Variants in PPFIA2 observed in about 807,000 individuals in gnomAD.
PPFIA2 encodes PPFI scaffold protein A2.
A neutral mutation model predicts 175.5 loss-of-function variants in PPFIA2; 46 were observed. The observed-to-expected ratio is 0.26, with a 90% CI of 0.21 to 0.34. The LOEUF (loss-of-function observed/expected upper bound fraction) is 0.34. Among genes scored for constraint, PPFIA2 ranks in the 10% least tolerant of loss-of-function variants. The probability of loss-of-function intolerance (pLI) is 1.00; values close to 1 mark genes in which losing one functional copy is unlikely to be tolerated. For synonymous variants in PPFIA2, 568 were observed against 511.4 expected (o/e 1.11, Z -1.49); for missense variants, 1,179 against 1,506.1 (o/e 0.78, Z 3.60).
chr12:81,278,857 A>T (rs923904603), intron 27 of PPFIA2, among the ~76,000 whole-genome samples: 2 of 152,224 alleles, frequency 1.3e-5, no homozygotes, highest in Admixed American at 6.5e-5. Context: ...AAATTTAGAC[A>T]TACACATTGG....
At chr12:81,678,481 A>G (rs752708522) in intron 3 of PPFIA2, among the ~76,000 whole-genome samples, 1 of 151,886 alleles carries the variant, frequency 6.6e-6, no homozygotes, top group Non-Finnish European at 1.5e-5. Context: ...AAAGGAACAT[A>G]ATGGGTAATG....
intron 3 of PPFIA2, among the ~76,000 whole-genome samples, chr12:81,724,524 T>TG (rs2079785035): frequency 6.6e-6 from 1 of 150,922 alleles, no homozygotes; most frequent in Non-Finnish European, 1.5e-5. Context: ...TTTCACTCTC[T>TG]TATGTCCACA....
chr12:81,431,775 G>A lies in PPFIA2; in HGVS notation c.645+8197C>T, dbSNP rs565117402. Reference sequence around the variant, plus strand: ...TGAGATACCACTAGTCTATAAAACCGAAAATCCAATCACATCTCTTCTCTT... The same window carrying A: ...TGAGATACCACTAGTCTATAAAACCAAAAATCCAATCACATCTCTTCTCTT... On this transcript the variant is annotated intron_variant, in intron 7 of 32. Transcript: ENST00000549396. Among the ~76,000 whole-genome samples the A allele has an allele frequency of 3.3e-5, 5 of 152,104 alleles. No homozygotes were observed. In the East Asian group the frequency reaches 9.7e-4, roughly 29 times the overall value.
intron 4 of PPFIA2, among the ~76,000 whole-genome samples, chr12:81,560,213 T>TA (rs1356176571): frequency 6.6e-6 from 1 of 151,722 alleles, no homozygotes; most frequent in African/African-American, 2.4e-5. Flanking sequence ...GGCATGTCTT[T>TA]AAAAAAACAG....
rs866741136 is a variant in PPFIA2, at chr12:81,568,137, G to A, written c.303+108654C>T. Among the ~76,000 whole-genome samples, 7 of 152,286 alleles carry A rather than the reference G, an allele frequency of 4.6e-5. No homozygotes were observed. The South Asian group carries it at 8.3e-4, about 18-fold the overall frequency. On this transcript the variant is annotated intron_variant, in intron 4 of 32. Coordinates refer to ENST00000549396, the MANE Select transcript of PPFIA2 (RefSeq NM_003625.5). ...TCCTCAAGAAGCTGTACCCACTAGGGGGTGGATAAAACATTAATTTAATCC... is the reference window on the plus strand; with the variant it reads ...TCCTCAAGAAGCTGTACCCACTAGGAGGTGGATAAAACATTAATTTAATCC...
intron 4 of PPFIA2, among the ~76,000 whole-genome samples, chr12:81,534,954 C>T (rs2153309469): frequency 6.6e-6 from 1 of 151,730 alleles, no homozygotes; most frequent in African/African-American, 2.4e-5. Flanking sequence ...CCTGCTTCCC[C>T]CAGTACAGTC....
At chr12:81,745,110 G>C (rs2082870026) in intron 3 of PPFIA2, among the ~76,000 whole-genome samples, 1 of 152,100 alleles carries the variant, frequency 6.6e-6, no homozygotes. Flanking sequence ...AGCCGTCCTA[G>C]CTTCTCTAGC....
chr12:81,335,405 A>G (rs777109631), intron 21 of PPFIA2, among the ~76,000 whole-genome samples: 13 of 152,146 alleles, frequency 8.5e-5, no homozygotes, highest in Non-Finnish European at 1.8e-4. Flanking sequence ...GATACAAACC[A>G]AACCTGTTTA....
At chr12:81,489,648 A>G (rs1244324054) in intron 4 of PPFIA2, among the ~76,000 whole-genome samples, 1 of 151,960 alleles carries the variant, frequency 6.6e-6, no homozygotes, top group Non-Finnish European at 1.5e-5. Context: ...TGATGCAATT[A>G]GTCACTGCTC....
chr12:81,468,819 G>A (rs2056220392), intron 4 of PPFIA2, among the ~76,000 whole-genome samples: 1 of 151,742 alleles, frequency 6.6e-6, no homozygotes, highest in African/African-American at 2.4e-5. Flanking sequence ...ATTTAAAATT[G>A]CACACTGTAG....
At chr12:81,731,077 T>C (rs565695004) in intron 3 of PPFIA2, among the ~76,000 whole-genome samples, 3 of 151,760 alleles carry the variant, frequency 2.0e-5, no homozygotes, top group South Asian at 2.1e-4. Flanking sequence ...CACACTAACA[T>C]CACTTCCACT....
rs1338573184 is a variant in PPFIA2, at chr12:81,267,839, A to AT, written c.3486+72dup. On this transcript the variant is annotated intron_variant, in intron 29 of 32. Transcript: ENST00000549396. ...ATTAACAATCATGAATACACAGCCA[A>AT]TTTTTTTCTAAAAGTTTAGTTTATC... is the stretch of plus-strand genomic sequence containing the variant. 7.1e-6 allele frequency: 10 copies of AT among 1,409,032 alleles called. No homozygotes were observed. In the East Asian group the frequency reaches 8.0e-5, roughly 11 times the overall value. 87.3% of individuals were successfully genotyped at this position (1,409,032 alleles called of 1,614,324 possible). A position where few individuals can be genotyped will look rare whatever the true frequency, so the allele number is the denominator to read the frequency against.
At chr12:81,645,215 A>T (rs2065897125) in intron 4 of PPFIA2, among the ~76,000 whole-genome samples, 1 of 151,950 alleles carries the variant, frequency 6.6e-6, no homozygotes, top group Non-Finnish European at 1.5e-5. Flanking sequence ...AGGAAGGAGA[A>T]GAAAGAGAAA....
intron 27 of PPFIA2, among the ~76,000 whole-genome samples, chr12:81,281,051 G>A: frequency 6.6e-6 from 1 of 151,922 alleles, no homozygotes; most frequent in Admixed American, 6.6e-5. Flanking sequence ...TAAACTTTGG[G>A]CACATAATAT....
At chr12:81,449,029 G>A (rs1356732617) in intron 5 of PPFIA2, among the ~76,000 whole-genome samples, 2 of 152,204 alleles carry the variant, frequency 1.3e-5, no homozygotes, top group Non-Finnish European at 2.9e-5. Context: ...TGAGCTAGGA[G>A]TAATTTTCTG....
intron 4 of PPFIA2, among the ~76,000 whole-genome samples, chr12:81,463,477 G>A (rs1056275416): frequency 6.6e-6 from 1 of 152,092 alleles, no homozygotes. Flanking sequence ...TTTTTCCAAA[G>A]AGCAAAGTGA....
chr12:81,400,673 C>T (rs768671642), intron 8 of PPFIA2, among the ~76,000 whole-genome samples: 6 of 152,028 alleles, frequency 3.9e-5, no homozygotes, highest in Admixed American at 6.6e-5. Flanking sequence ...AGAACAGTCA[C>T]GAATAAATGT....
intron 22 of PPFIA2, among the ~76,000 whole-genome samples, chr12:81,313,669 A>G (rs913001768): frequency 3.5e-4 from 53 of 152,046 alleles, no homozygotes; most frequent in African/African-American, 1.3e-3. Flanking sequence ...TCTTGTCAAC[A>G]TACCTGTGAA....
At chr12:81,407,340 G>T (rs1021477864) in intron 7 of PPFIA2, among the ~76,000 whole-genome samples, 2 of 151,792 alleles carry the variant, frequency 1.3e-5, no homozygotes, top group African/African-American at 4.8e-5. Flanking sequence ...AAAATTAGCC[G>T]GGCGTGATGG....
Sources: gnomAD v4.1 joint callset for allele counts (sites outside exome capture counted in the v4.1 genomes callset) on GRCh38, gnomAD v4.1.1 for gene constraint, MANE v1.5 for transcripts, NCBI Gene and HGNC (gene_info 2026-07-23, HGNC 2026-07-21) for gene names.